Variants in CLN6 observed in about 807,000 individuals in gnomAD.
The protein encoded by CLN6 is CLN6 transmembrane ER protein.
A neutral mutation model predicts 33.3 loss-of-function variants in CLN6; 22 were observed. The observed-to-expected ratio is 0.66, with a 90% confidence interval of 0.47 to 0.94. The LOEUF is 0.94. CLN6 is among the 40% of genes least tolerant of loss of function. CLN6 has a pLI of 0.00. For synonymous variants in CLN6, 201 were observed against 174.6 expected (o/e 1.15, Z -1.19); for missense variants, 387 against 417.1 (o/e 0.93, Z 0.63).
chr15:68,214,473 C>A, intron 2 of CLN6, 85 bp from the exon 3 acceptor site: 1 of 863,382 alleles, frequency 1.2e-6, no homozygotes, highest in Non-Finnish European at 2.0e-6. Context: ...CCTAATGCCG[C>A]CCACCCCAAC....
chr15:68,253,415 A>C (rs1892399871), intron 1 of CLN6, among the ~76,000 whole-genome samples: 1 of 152,202 alleles, frequency 6.6e-6, no homozygotes, highest in African/African-American at 2.4e-5. Flanking sequence ...TATTTCTCAG[A>C]ATGTTCCAAT....
Position 68,218,616 on chromosome 15 carries a change from T to C in CLN6, c.118A>G (p.Thr40Ala). Residue 40 changes from threonine (T) to alanine (A), a missense_variant, in exon 2 of 7, where the codon ACG (threonine) becomes GCG (alanine). Thr to Ala is a moderately conservative substitution (Grantham distance 58). Transcript: ENST00000249806. ...CAGAGGTCGAGGTGGAAGGGAGCCG[T>C]GCGGGCAGCCTCATCAGCGCTCACA... is the stretch of plus-strand genomic sequence containing the variant. ...GSVSADEAAR[T>A]APFHLDLWFY... 6.2e-7 allele frequency: 1 copy of C among 1,613,798 alleles called. No homozygotes were observed. The highest frequency in any genetic ancestry group is 1.1e-5 in the South Asian group (1 of 91,070).
At position 68,209,883 on chromosome 15, in the gene CLN6, G is replaced by T; in HGVS notation, c.543-124C>A. ...ACAGTTTACAAAACGCCTAGCCTGG[G>T]TGAGAGGCGCTCCTCTCCACCCAAC... On this transcript the variant is annotated intron_variant, in intron 5 of 6. Transcript: ENST00000249806. The surrounding 1 kb of genome is among the most constrained non-coding windows in gnomAD (Gnocchi z 4.9). 7.4e-7 allele frequency: 1 copy of T among 1,350,046 alleles called. No individual in the cohort carries two copies. The highest frequency in any genetic ancestry group is 1.0e-6 in the Non-Finnish European group (1 of 959,218). 83.6% of individuals were successfully genotyped at this position (1,350,046 alleles called of 1,614,324 possible). A position where few individuals can be genotyped will look rare whatever the true frequency, so the allele number is the denominator to read the frequency against.
In CLN6 at chr15:68,254,328, T is replaced by C. The variant is rs141603486; in HGVS notation, c.179+2362A>G. On this transcript the variant is annotated intron_variant, in intron 1 of 6. Transcript: ENST00000538696. ...AGCAGGTAATGTTCTCGTTCTTAAGTTGGATGGTGGTGAGCCACCCACTTG... is the reference window on the plus strand; with the variant it reads ...AGCAGGTAATGTTCTCGTTCTTAAGCTGGATGGTGGTGAGCCACCCACTTG... Among the ~76,000 whole-genome samples, 26 of 152,252 alleles carry C rather than the reference T, an allele frequency of 1.7e-4. No individual in the cohort carries two copies. The East Asian group carries it at 4.2e-3, about 25-fold the overall frequency.
At position 68,234,807 on chromosome 15, in the gene CLN6, G is replaced by A. The variant is rs994780046; in HGVS notation, c.180-16157C>T. On this transcript the variant is annotated intron_variant, in intron 1 of 6. Transcript: ENST00000538696. This position sits in a 1 kb window ranked among gnomAD's most constrained non-coding sequence, Gnocchi z 4.1. ...CAAGGTGAGCAGATCATTTGAGGTCGGGAGTTTGAGACCAGCCTGGCCAAC... is the reference window on the plus strand; with the variant it reads ...CAAGGTGAGCAGATCATTTGAGGTCAGGAGTTTGAGACCAGCCTGGCCAAC... Among the ~76,000 whole-genome samples, 1 of 152,110 alleles carries A rather than the reference G, an allele frequency of 6.6e-6. No homozygotes were observed. The highest frequency in any genetic ancestry group is 1.5e-5 in the Non-Finnish European group (1 of 68,020).
upstream of CLN6, among the ~76,000 whole-genome samples, chr15:68,232,783 T>C (rs543564321): frequency 2.0e-5 from 3 of 152,310 alleles, no homozygotes; most frequent in South Asian, 6.2e-4. This position sits in a 1 kb window ranked among gnomAD's most constrained non-coding sequence, Gnocchi z 4.7. Context: ...GGCTCACACC[T>C]GTAATCCCAG....
chr15:68,254,255 G>A (rs1801035436), intron 1 of CLN6, among the ~76,000 whole-genome samples: 2 of 152,174 alleles, frequency 1.3e-5, no homozygotes, highest in Middle Eastern at 3.2e-3. Context: ...GGTGAGGAGA[G>A]AGAGCACGAT....
In CLN6 at chr15:68,211,423, G is replaced by C; in HGVS notation, c.487-105C>G. Reference sequence around the variant, plus strand: ...CTGACCACCCTTCTCCCAGTCCCAGGCCTCCCCCACTGCCTTATTCCCTAC... The same window carrying C: ...CTGACCACCCTTCTCCCAGTCCCAGCCCTCCCCCACTGCCTTATTCCCTAC... On this transcript the variant is annotated intron_variant, in intron 4 of 6. Transcript: ENST00000249806. This position sits in a 1 kb window ranked among gnomAD's most constrained non-coding sequence, Gnocchi z 5.9. 6.5e-7 allele frequency: 1 copy of C among 1,534,326 alleles called. No homozygotes were observed. Among genetic ancestry groups the C allele is most frequent in the South Asian group, 1.1e-5 (1 of 89,116 alleles).
chr15:68,242,466 G>A lies in CLN6; in HGVS notation c.179+14224C>T, dbSNP rs977905840. On this transcript the variant is annotated intron_variant, in intron 1 of 6. Coordinates refer to the CLN6 transcript ENST00000538696. The surrounding 1 kb of genome is among the most constrained non-coding windows in gnomAD (Gnocchi z 5.0). The stretch of plus-strand genomic sequence containing the variant: ...CAAAAGATCAAATCTAATAATTATT[G>A]GTGTTCAAGAGGGAGTTGAGCAAGA... Among the ~76,000 whole-genome samples the A allele has an allele frequency of 3.9e-5, 6 of 151,914 alleles. No individual in the cohort carries two copies. Among genetic ancestry groups the A allele is most frequent in the Non-Finnish European group, 7.4e-5 (5 of 67,984 alleles).
Position 68,208,652 on chromosome 15 carries a change from A to G in CLN6, c.666-242T>C, listed in dbSNP as rs1272608592. On this transcript the variant is annotated intron_variant, in intron 6 of 6. Coordinates refer to ENST00000249806, the MANE Select transcript of CLN6 (RefSeq NM_017882.3). This position sits in a 1 kb window ranked among gnomAD's most constrained non-coding sequence, Gnocchi z 5.8. ...AATATTTAAATAACAGAATACCTACAAATGTATATTTCTGGCTTCTCTGGT... is the reference window on the plus strand; with the variant it reads ...AATATTTAAATAACAGAATACCTACGAATGTATATTTCTGGCTTCTCTGGT... Among the ~76,000 whole-genome samples the G allele has an allele frequency of 6.6e-6, 1 of 152,246 alleles. No individual in the cohort carries two copies. Among genetic ancestry groups the G allele is most frequent in the African/African-American group, 2.4e-5 (1 of 41,458 alleles).
rs746910770 is a variant in CLN6 at position 68,211,218 on chromosome 15, C to T, written c.542+45G>A. On this transcript the variant is annotated intron_variant, in intron 5 of 6. Coordinates refer to ENST00000249806, the MANE Select transcript of CLN6 (RefSeq NM_017882.3). The surrounding 1 kb of genome is among the most constrained non-coding windows in gnomAD (Gnocchi z 5.9). ...TCCCTGAGCCAGTGACAGGGCTAGCCGGTAGTTGGGGCCCCTGGGATAGAC... is the reference window on the plus strand; with the variant it reads ...TCCCTGAGCCAGTGACAGGGCTAGCTGGTAGTTGGGGCCCCTGGGATAGAC... 6.8e-5 allele frequency: 106 copies of T among 1,558,334 alleles called. No individual in the cohort carries two copies. Among genetic ancestry groups the T allele is most frequent in the African/African-American group, 1.4e-4 (10 of 73,766 alleles).
chr15:68,254,461 T>A, intron 1 of CLN6: 3 of 296,606 alleles, frequency 1.0e-5, no homozygotes, highest in Admixed American at 4.7e-5. Context: ...CACACTGGAG[T>A]TTGAAGACTT....
In CLN6 at chr15:68,237,925, C is replaced by G. The variant is rs185431653; in HGVS notation, c.179+18765G>C. Among the ~76,000 whole-genome samples the G allele has an allele frequency of 9.3e-4, 142 of 152,030 alleles. 1 individual carries two copies. The highest frequency in any genetic ancestry group is 3.4e-3 in the Middle Eastern group (1 of 294). ...GGATCACAAGGTCAGGAGTTCGAGACCAGCCTGGCCAATATGGTGAAACCC... is the reference window on the plus strand; with the variant it reads ...GGATCACAAGGTCAGGAGTTCGAGAGCAGCCTGGCCAATATGGTGAAACCC... On this transcript the variant is annotated intron_variant, in intron 1 of 6. Transcript: ENST00000538696.
rs1468243791 is a variant in CLN6 at position 68,256,123 on chromosome 15, T to C, written c.179+567A>G. On this transcript the variant is annotated intron_variant, in intron 1 of 6. Transcript: ENST00000538696. The surrounding 1 kb of genome is among the most constrained non-coding windows in gnomAD (Gnocchi z 4.1). ...TTTTTATTTTATTATTATTATTTTT[T>C]TGAGACGGAGTCTTGCTCTGTCTCC... is the stretch of plus-strand genomic sequence containing the variant. Among the ~76,000 whole-genome samples, 1 of 152,076 alleles carries C rather than the reference T, an allele frequency of 6.6e-6. No individual in the cohort carries two copies. The highest frequency in any genetic ancestry group is 2.4e-5 in the African/African-American group (1 of 41,384).
chr15:68,229,881 G>A (rs1055740951), upstream of CLN6: 2 of 248,302 alleles, frequency 8.1e-6, no homozygotes, highest in Non-Finnish European at 1.5e-5. Context: ...TGTCCGGGCT[G>A]CGCGCGTGAC....
intron 3 of CLN6, chr15:68,212,306 G>A (rs1567096058): frequency 1.5e-5 from 3 of 193,614 alleles, no homozygotes; most frequent in Non-Finnish European, 3.2e-5. Context: ...CAGGGATGGG[G>A]GCAGGTGCTT....
chr15:68,250,579 C>T (rs1040178733), intron 1 of CLN6, among the ~76,000 whole-genome samples: 1 of 148,190 alleles, frequency 6.7e-6, no homozygotes, highest in African/African-American at 2.5e-5. Flanking sequence ...GAGCCAAGAT[C>T]GCACCACTGC....
At chr15:68,249,566 C>T (rs970457994) in intron 1 of CLN6, among the ~76,000 whole-genome samples, 12 of 152,098 alleles carry the variant, frequency 7.9e-5, no homozygotes, top group Admixed American at 5.9e-4. Context: ...TGAAGCCAAG[C>T]ACAGAAAGAC....
At position 68,219,682 on chromosome 15, in the gene CLN6, C is replaced by T. The variant is rs571213688; in HGVS notation, c.84-1032G>A. ...TAATGGGGCTGGAGCTGTACTCTCC[C>T]ATCTAGACCCTCGAGAACAGGGGTG... On this transcript the variant is annotated intron_variant, in intron 1 of 6. Coordinates refer to ENST00000249806, the MANE Select transcript of CLN6 (RefSeq NM_017882.3). This position sits in a 1 kb window ranked among gnomAD's most constrained non-coding sequence, Gnocchi z 4.2. Among the ~76,000 whole-genome samples, 1 of 152,334 alleles carries T rather than the reference C, an allele frequency of 6.6e-6. No individual in the cohort carries two copies. Among genetic ancestry groups the T allele is most frequent in the Non-Finnish European group, 1.5e-5 (1 of 68,032 alleles).
Sources: allele counts gnomAD v4.1 joint callset (sites outside exome capture counted in the v4.1 genomes callset), GRCh38; gene constraint gnomAD v4.1.1; non-coding constraint Gnocchi (gnomAD v3.1); transcripts MANE v1.5; gene names NCBI Gene and HGNC (gene_info 2026-07-23, HGNC 2026-07-21).